SYNJ2: variants seen among roughly 807,000 people sequenced by gnomAD.
The protein encoded by SYNJ2 is synaptojanin 2.
In SYNJ2, 116 loss-of-function variants were observed where a neutral mutation model predicts 141.3. The observed-to-expected ratio is 0.82, with a 90% CI of 0.71 to 0.96. The LOEUF is 0.96. Among genes scored for constraint, SYNJ2 ranks in the 40% least tolerant of loss-of-function variants. The pLI is 0.00. For synonymous variants in SYNJ2, 745 were observed against 777.7 expected (o/e 0.96, Z 0.70); for missense variants, 1,873 against 1,934.8 (o/e 0.97, Z 0.60).
chr6:158,037,053 C>T (rs1034125017), intron 4 of SYNJ2, among the ~76,000 whole-genome samples: 2 of 152,168 alleles, frequency 1.3e-5, no homozygotes, highest in Non-Finnish European at 2.9e-5. Context: ...CCTAAAACAC[C>T]GGACATTCTA....
intron 5 of SYNJ2, among the ~76,000 whole-genome samples, chr6:158,044,208 T>A (rs962391551): frequency 2.0e-5 from 3 of 152,242 alleles, no homozygotes; most frequent in African/African-American, 4.8e-5. Context: ...AGCCAGTGGC[T>A]ACTGGGGCCC....
rs139483036 is a variant in SYNJ2, at chr6:158,000,651, T to A, written c.128-16553T>A. ...TGACTTTTAGTAAGTTGATCAACTC[T>A]CCCCGCCGACCCCCTAGCCTTCTGG... On this transcript the variant is annotated intron_variant, in intron 1 of 26. Transcript: ENST00000355585. 1.8e-3 allele frequency among the ~76,000 whole-genome samples: 269 copies of A among 152,008 alleles called. 2 individuals carry two copies. The highest frequency in any genetic ancestry group is 5.9e-3 in the African/African-American group (245 of 41,410).
At position 158,071,491 on chromosome 6, in the gene SYNJ2, G is replaced by A; in HGVS notation, c.1941-111G>A. 7.9e-7 allele frequency: 1 copy of A among 1,262,482 alleles called. No individual in the cohort carries two copies. Among genetic ancestry groups the A allele is most frequent in the East Asian group, 2.4e-5 (1 of 41,982 alleles). The allele number at this position is 1,262,482 out of a possible 1,614,324, so 78.2% of individuals were successfully genotyped here. A position where few individuals can be genotyped will look rare whatever the true frequency, so the allele number is the denominator to read the frequency against. ...CCACTGTGTTGAGCTGATGATTTTG[G>A]AGCACTCAGAGCAGCAGGTCCCGAG... On this transcript the variant is annotated intron_variant, in intron 14 of 26. Coordinates refer to ENST00000355585, the MANE Select transcript of SYNJ2 (RefSeq NM_003898.4). The surrounding 1 kb of genome is among the most constrained non-coding windows in gnomAD (Gnocchi z 4.3).
intron 1 of SYNJ2, among the ~76,000 whole-genome samples, chr6:157,989,466 A>ATATG (rs1554228206): frequency 3.7e-4 from 49 of 131,074 alleles, no homozygotes; most frequent in Non-Finnish European, 7.2e-4. Context: ...ATATATATAT[A>ATATG]TGGAAAAAGA....
rs756627637 is a variant in SYNJ2, at chr6:158,043,434, ATGT to A, written c.795+39_795+41del. 8.6e-6 allele frequency: 13 copies of A among 1,509,710 alleles called. No individual in the cohort carries two copies. Among genetic ancestry groups the A allele is most frequent in the Non-Finnish European group, 8.3e-6 (9 of 1,086,730 alleles). The allele number at this position is 1,509,710 out of a possible 1,614,324, so 93.5% of individuals were successfully genotyped here. A position where few individuals can be genotyped will look rare whatever the true frequency, so the allele number is the denominator to read the frequency against. On this transcript the variant is annotated intron_variant, in intron 5 of 26. Coordinates refer to ENST00000355585, the MANE Select transcript of SYNJ2 (RefSeq NM_003898.4). The surrounding 1 kb of genome is among the most constrained non-coding windows in gnomAD (Gnocchi z 4.0). Reference sequence around the variant, plus strand: ...GAAAAAACTTAAATGTCCCCTTGTGATGTTGTCCGCCCTGCCCTTCCCTTCAAT... The same window carrying A: ...GAAAAAACTTAAATGTCCCCTTGTGATGTCCGCCCTGCCCTTCCCTTCAAT...
chr6:158,042,903 G>A (rs1256549423), intron 4 of SYNJ2, among the ~76,000 whole-genome samples: 1 of 152,172 alleles, frequency 6.6e-6, no homozygotes, highest in Non-Finnish European at 1.5e-5. Context: ...TTTTCTCATA[G>A]CTCTCTTCTG....
chr6:158,005,184 TCTC>T (rs1409405775), intron 1 of SYNJ2, among the ~76,000 whole-genome samples: 2 of 151,430 alleles, frequency 1.3e-5, no homozygotes, highest in African/African-American at 4.9e-5. Flanking sequence ...TTCACGCCAT[TCTC>T]CTGCCTCAGC....
intron 5 of SYNJ2, among the ~76,000 whole-genome samples, chr6:158,049,597 A>G (rs1780445186): frequency 1.3e-5 from 2 of 152,334 alleles, no homozygotes; most frequent in African/African-American, 4.8e-5. Flanking sequence ...GACAAGTCCA[A>G]TAATACAACT....
chr6:158,017,390 T>A, intron 2 of SYNJ2, 100 bp downstream of exon 2: 64 of 946,952 alleles, frequency 6.8e-5, no homozygotes, highest in Non-Finnish European at 8.7e-5. Context: ...GTTTGACCGC[T>A]CTTCTCTCTC....
intron 22 of SYNJ2, among the ~76,000 whole-genome samples, chr6:158,085,230 A>T (rs1782961204): frequency 6.6e-6 from 1 of 152,074 alleles, no homozygotes; most frequent in Non-Finnish European, 1.5e-5. Flanking sequence ...TATGTTGTCC[A>T]AGCTGGTCTC....
chr6:158,020,910 C>T (rs2128330241), intron 2 of SYNJ2, among the ~76,000 whole-genome samples: 1 of 152,330 alleles, frequency 6.6e-6, no homozygotes, highest in South Asian at 2.1e-4. Context: ...GAAATATGCA[C>T]AAAAATTCAT....
chr6:158,069,680 A>G lies in SYNJ2; in HGVS notation c.1940+7A>G. 6.2e-7 allele frequency: 1 copy of G among 1,606,742 alleles called. No homozygotes were observed. The highest frequency in any genetic ancestry group is 8.5e-7 in the Non-Finnish European group (1 of 1,174,974). ...ACCATGTCCCGTTCATCAGGTAAGA[A>G]CATTCTGTTTACACACATCTGGGGA... On this transcript the variant is annotated splice_region_variant and intron_variant, in intron 14 of 26. Coordinates refer to ENST00000355585, the MANE Select transcript of SYNJ2 (RefSeq NM_003898.4).
intron 4 of SYNJ2, 63 bp downstream of exon 4, chr6:158,033,743 C>A: frequency 6.6e-7 from 1 of 1,516,360 alleles, no homozygotes; most frequent in Non-Finnish European, 8.9e-7. Flanking sequence ...CTTGCACACG[C>A]GCTTTCCACT....
At chr6:157,989,389 A>G (rs1204173349) in intron 1 of SYNJ2, among the ~76,000 whole-genome samples, 1 of 148,428 alleles carries the variant, frequency 6.7e-6, no homozygotes, top group Non-Finnish European at 1.5e-5. Flanking sequence ...CCAGAGAACA[A>G]TATGTTCAGT....
At chr6:158,059,888 G>A (rs1781105335) in intron 7 of SYNJ2, among the ~76,000 whole-genome samples, 1 of 152,208 alleles carries the variant, frequency 6.6e-6, no homozygotes, top group African/African-American at 2.4e-5. Context: ...TGATGGTTGG[G>A]AGAATTTGCT....
Position 158,043,485 on chromosome 6 carries a change from C to A in SYNJ2, c.795+86C>A. The A allele has an allele frequency of 1.0e-6, 1 of 979,336 alleles. No individual in the cohort carries two copies. Among genetic ancestry groups the A allele is most frequent in the Non-Finnish European group, 1.6e-6 (1 of 634,396 alleles). The allele number at this position is 979,336 out of a possible 1,614,324, so 60.7% of individuals were successfully genotyped here. A position where few individuals can be genotyped will look rare whatever the true frequency, so the allele number is the denominator to read the frequency against. On this transcript the variant is annotated intron_variant, in intron 5 of 26. Transcript: ENST00000355585. This position sits in a 1 kb window ranked among gnomAD's most constrained non-coding sequence, Gnocchi z 4.0. ...AATAGCTGGGGAAGATTTCTTTTAA[C>A]ACGTTCGTTTCATGGCATAGTTTCC...
At chr6:158,009,622 T>C (rs779776992) in intron 1 of SYNJ2, among the ~76,000 whole-genome samples, 13 of 152,088 alleles carry the variant, frequency 8.5e-5, no homozygotes, top group African/African-American at 1.2e-4. Flanking sequence ...GTAGGAAAAC[T>C]TACAGGAAAT....
At chr6:158,030,132 G>A (rs1779285280) in intron 3 of SYNJ2, among the ~76,000 whole-genome samples, 2 of 152,222 alleles carry the variant, frequency 1.3e-5, no homozygotes, top group Admixed American at 1.3e-4. Context: ...CAGCAGGACA[G>A]AGACAAGAGT....
In SYNJ2 at chr6:158,071,491, G is replaced by C. The variant is rs901564599; in HGVS notation, c.1941-111G>C. 4.0e-6 allele frequency: 5 copies of C among 1,262,482 alleles called. No homozygotes were observed. The African/African-American group carries it at 6.0e-5, about 15-fold the overall frequency. 78.2% of individuals were successfully genotyped at this position (1,262,482 alleles called of 1,614,324 possible). The stretch of plus-strand genomic sequence containing the variant: ...CCACTGTGTTGAGCTGATGATTTTG[G>C]AGCACTCAGAGCAGCAGGTCCCGAG... On this transcript the variant is annotated intron_variant, in intron 14 of 26. Transcript: ENST00000355585. This position sits in a 1 kb window ranked among gnomAD's most constrained non-coding sequence, Gnocchi z 4.3.
Sources: allele counts gnomAD v4.1 joint callset (sites outside exome capture counted in the v4.1 genomes callset), GRCh38; gene constraint gnomAD v4.1.1; non-coding constraint Gnocchi (gnomAD v3.1); transcripts MANE v1.5; gene names NCBI Gene and HGNC (gene_info 2026-07-23, HGNC 2026-07-21).